The following ARMC2 variants were observed in gnomAD, a reference collection of about 807,000 sequenced individuals.
The protein encoded by ARMC2 is armadillo repeat containing 2.
Under a neutral mutation model 90.3 loss-of-function variants are expected in ARMC2, and 67 were observed. The ratio of observed to expected loss-of-function variants is 0.74; its 90% CI spans 0.61 to 0.91. ARMC2 has a LOEUF of 0.91. ARMC2 is among the 40% of genes least tolerant of loss of function. The pLI is 0.00. For missense variants in ARMC2, 920 were observed against 1,030.9 expected (o/e 0.89, Z 1.47); for synonymous variants, 393 against 393.0 (o/e 1.00, Z 0.00).
chr6:108,986,518 ACAAAGTACTT>A, the ARMC2 span: 2 of 152,818 alleles, frequency 1.3e-5, no homozygotes, highest in African/African-American at 4.8e-5. Context: ...CTTCCAGAAT[ACAAAGTACTT>A]AATACATATT....
chr6:108,938,574 TATA>T (rs1421152093), intron 12 of ARMC2, among the ~76,000 whole-genome samples: 2 of 147,770 alleles, frequency 1.4e-5, no homozygotes, highest in Non-Finnish European at 3.0e-5. Flanking sequence ...GAATTTTAAT[TATA>T]ATTTTATTTT....
chr6:108,889,220 A>G (rs1016364988), intron 5 of ARMC2, among the ~76,000 whole-genome samples: 1 of 152,074 alleles, frequency 6.6e-6, no homozygotes, highest in Non-Finnish European at 1.5e-5. Context: ...ATCTCGGCTC[A>G]TTGCAACTTC....
At chr6:109,016,550 T>A in the ARMC2 span, among the ~76,000 whole-genome samples, 1 of 152,208 alleles carries the variant, frequency 6.6e-6, no homozygotes, top group Non-Finnish European at 1.5e-5. Flanking sequence ...TGTAGGTTAT[T>A]ATGTATTTTA....
At chr6:108,986,072 C>CT in the ARMC2 span, among the ~76,000 whole-genome samples, 1 of 149,884 alleles carries the variant, frequency 6.7e-6, no homozygotes, top group African/African-American at 2.4e-5. Context: ...GAGTAACTAA[C>CT]AGAGTTATCA....
At chr6:108,977,697 G>A (rs777755948), downstream of ARMC2, among the ~76,000 whole-genome samples, 10 of 152,008 alleles carry the variant, frequency 6.6e-5, no homozygotes, top group South Asian at 1.0e-3. Flanking sequence ...GTCTATTCTG[G>A]GATTTAGCTT....
At chr6:108,888,270 T>TA (rs1295099439) in intron 5 of ARMC2, among the ~76,000 whole-genome samples, 1 of 152,192 alleles carries the variant, frequency 6.6e-6, no homozygotes, top group African/African-American at 2.4e-5. Context: ...ATGTATTAGT[T>TA]ACCATGTGCC....
intron 12 of ARMC2, among the ~76,000 whole-genome samples, chr6:108,952,272 G>T (rs1284463706): frequency 1.3e-5 from 2 of 152,140 alleles, no homozygotes; most frequent in Non-Finnish European, 2.9e-5. Flanking sequence ...GTTTTAAAAT[G>T]TTCCCAGCTT....
At chr6:108,906,049 A>G (rs972735911) in intron 8 of ARMC2, among the ~76,000 whole-genome samples, 3 of 152,226 alleles carry the variant, frequency 2.0e-5, no homozygotes, top group South Asian at 2.1e-4. Flanking sequence ...CTAAAGCTAT[A>G]TGGGACTAAG....
At chr6:108,936,762 A>G (rs1775989869) in intron 11 of ARMC2, 138 bp from the exon 12 acceptor site, 1 of 694,474 alleles carries the variant, frequency 1.4e-6, no homozygotes, top group Non-Finnish European at 2.4e-6. Flanking sequence ...CTCTGAACTG[A>G]TGTGTAGAGT....
chr6:108,868,900 C>CGAAG lies in ARMC2; in HGVS notation c.369_372dup (p.Ile125GlufsTer3). ...TTTCCTAAGCCCCCAGTGGACCCTGCGAAGATTAGAAGAGTAAGCAACGCC... is the reference window on the plus strand; with the variant it reads ...TTTCCTAAGCCCCCAGTGGACCCTGCGAAGGAAGATTAGAAGAGTAAGCAACGCC... On this transcript the variant is annotated frameshift_variant, in exon 4 of 18. Transcript: ENST00000392644. LOFTEE classifies it high-confidence loss of function. The CGAAG allele has an allele frequency of 6.2e-7, 1 of 1,613,976 alleles. No homozygotes were observed. Among genetic ancestry groups the CGAAG allele is most frequent in the Admixed American group, 1.7e-5 (1 of 60,024 alleles).
chr6:108,854,126 AAT>A (rs1314830077), intron 1 of ARMC2, 97 bp from the exon 2 acceptor site: 2 of 613,008 alleles, frequency 3.3e-6, no homozygotes, highest in Non-Finnish European at 5.6e-6. Flanking sequence ...TTAAAAGCTT[AAT>A]ATAGAGGAAT....
chr6:108,967,166 G>A (rs1778431403), intron 17 of ARMC2, among the ~76,000 whole-genome samples: 1 of 152,166 alleles, frequency 6.6e-6, no homozygotes, highest in South Asian at 2.1e-4. Context: ...CTACCTCCAG[G>A]CTTCCACTTG....
chr6:108,940,706 G>A (rs1776369103), intron 12 of ARMC2, among the ~76,000 whole-genome samples: 1 of 152,120 alleles, frequency 6.6e-6, no homozygotes, highest in South Asian at 2.1e-4. Flanking sequence ...TTCTATGTCT[G>A]CAGCTTGATT....
At chr6:109,011,106 T>C in the ARMC2 span, among the ~76,000 whole-genome samples, 1 of 152,202 alleles carries the variant, frequency 6.6e-6, no homozygotes, top group African/African-American at 2.4e-5. Flanking sequence ...TAATCTTAGT[T>C]ATGACATTTG....
At chr6:108,880,069 A>G (rs1777370193) in intron 5 of ARMC2, 3 of 394,796 alleles carry the variant, frequency 7.6e-6, no homozygotes, top group South Asian at 5.5e-5. Context: ...CAGTAATCCA[A>G]TGAAAGCAGC....
intron 5 of ARMC2, among the ~76,000 whole-genome samples, chr6:108,890,210 A>C (rs1475835194): frequency 2.3e-4 from 29 of 128,172 alleles, no homozygotes; most frequent in Non-Finnish European, 3.9e-4. Context: ...AAAAAAAAAA[A>C]AAAAAAAAAA....
At chr6:108,863,284 T>C (rs577089362) in intron 3 of ARMC2, among the ~76,000 whole-genome samples, 1 of 152,288 alleles carries the variant, frequency 6.6e-6, no homozygotes, top group African/African-American at 2.4e-5. Flanking sequence ...GGTTTCATCA[T>C]GTTGGCCAGG....
chr6:108,976,427 G>A (rs895406354), downstream of ARMC2, among the ~76,000 whole-genome samples: 3 of 152,152 alleles, frequency 2.0e-5, no homozygotes, highest in Admixed American at 6.6e-5. Context: ...ATAGTTTGAA[G>A]TCAGGTAGCA....
the ARMC2 span, among the ~76,000 whole-genome samples, chr6:108,990,042 A>G: frequency 6.6e-6 from 1 of 152,218 alleles, no homozygotes; most frequent in African/African-American, 2.4e-5. Context: ...AGAGTCTCTG[A>G]TAATAGAAAG....
Sources: gnomAD v4.1 joint callset for allele counts (sites outside exome capture counted in the v4.1 genomes callset) on GRCh38, gnomAD v4.1.1 for gene constraint, MANE v1.5 for transcripts, NCBI Gene and HGNC (gene_info 2026-07-23, HGNC 2026-07-21) for gene names.